Variants in CNTLN observed in about 807,000 individuals in gnomAD.
CNTLN encodes centlein.
In CNTLN, 212 loss-of-function variants were observed where a neutral mutation model predicts 180.0. The observed-to-expected ratio is 1.18, with a 90% confidence interval of 1.05 to 1.32. The LOEUF (loss-of-function observed/expected upper bound fraction) is 1.32. CNTLN is among the 40% of genes most tolerant of loss of function. The probability of loss-of-function intolerance (pLI) is 0.00; values close to 1 mark genes in which losing one functional copy is unlikely to be tolerated. For missense variants in CNTLN, 2,095 were observed against 1,610.9 expected (o/e 1.30, Z -5.14); for synonymous variants, 722 against 563.1 (o/e 1.28, Z -3.99).
intron 14 of CNTLN, among the ~76,000 whole-genome samples, chr9:17,393,950 A>C (rs1450372385): frequency 6.6e-6 from 1 of 152,104 alleles, no homozygotes; most frequent in African/African-American, 2.4e-5. Context: ...TAAATGGGAA[A>C]ATTTTAATTT....
intron 6 of CNTLN, among the ~76,000 whole-genome samples, chr9:17,283,923 C>T (rs1313564067): frequency 3.9e-5 from 6 of 152,136 alleles, no homozygotes; most frequent in Non-Finnish European, 8.8e-5. Context: ...GTTGAACCAG[C>T]CTTGCATCTT....
At position 17,266,032 on chromosome 9, in the gene CNTLN, A is replaced by G. The variant is rs138992496; in HGVS notation, c.850-7701A>G. ...TTTTTGAAGGGCTTTTTGTGTTTCT[A>G]TTTCCTTCAGTTCTGCTCTGATGTT... On this transcript the variant is annotated intron_variant, in intron 5 of 25. Coordinates refer to ENST00000380647, the MANE Select transcript of CNTLN (RefSeq NM_017738.4). 3.1e-3 allele frequency among the ~76,000 whole-genome samples: 472 copies of G among 151,666 alleles called. 5 individuals carry two copies. The highest frequency in any genetic ancestry group is 0.011 in the African/African-American group (449 of 41,348).
intron 7 of CNTLN, chr9:17,302,063 T>G: frequency 1.0e-6 from 1 of 984,558 alleles, no homozygotes; most frequent in South Asian, 4.7e-5. Context: ...TACTATTCAT[T>G]ATAGTGTACT....
chr9:17,168,652 A>G (rs1384993645), intron 2 of CNTLN: 1 of 152,046 alleles, frequency 6.6e-6, no homozygotes, highest in Non-Finnish European at 1.5e-5. Flanking sequence ...TTATTTTGAA[A>G]CTCTTAAGTT....
rs1658076293 is a variant in CNTLN, at chr9:17,335,411, GGGGGCT to G, written c.1644+2683_1644+2688del. ...GCATGCCTCTAATCCCAGCTACTCA[GGGGGCT>G]GAGGCAGGAGAATTGCTTGAACCTA... On this transcript the variant is annotated intron_variant, in intron 10 of 25. Transcript: ENST00000380647. Among the ~76,000 whole-genome samples the G allele has an allele frequency of 7.2e-5, 11 of 152,258 alleles. No individual in the cohort carries two copies. The South Asian group carries it at 2.3e-3, about 32-fold the overall frequency.
intron 15 of CNTLN, among the ~76,000 whole-genome samples, chr9:17,395,990 G>A (rs939846818): frequency 6.6e-6 from 1 of 152,086 alleles, no homozygotes; most frequent in Non-Finnish European, 1.5e-5. Context: ...TACGGTAGAG[G>A]AGCCAGCCAA....
At chr9:17,307,780 G>T (rs1448900592) in intron 7 of CNTLN, among the ~76,000 whole-genome samples, 1 of 151,982 alleles carries the variant, frequency 6.6e-6, no homozygotes. Context: ...TAGGTTTCTA[G>T]ATGAACTAAA....
At chr9:17,416,588 A>G (rs569877606) in intron 18 of CNTLN, among the ~76,000 whole-genome samples, 1 of 152,318 alleles carries the variant, frequency 6.6e-6, no homozygotes, top group African/African-American at 2.4e-5. Flanking sequence ...TTAAACTAAT[A>G]TATTCATCAG....
intron 6 of CNTLN, among the ~76,000 whole-genome samples, chr9:17,287,234 C>A (rs905838632): frequency 4.0e-5 from 6 of 151,730 alleles, no homozygotes. Context: ...TGAATTTTGT[C>A]AAAGGCTTTT....
At chr9:17,407,109 T>A (rs1415603767) in intron 15 of CNTLN, among the ~76,000 whole-genome samples, 1 of 152,194 alleles carries the variant, frequency 6.6e-6, no homozygotes. Flanking sequence ...TCTGGGATAC[T>A]GAAATAACTT....
chr9:17,158,291 C>T (rs918426547), intron 2 of CNTLN, among the ~76,000 whole-genome samples: 6 of 152,058 alleles, frequency 3.9e-5, no homozygotes, highest in African/African-American at 1.4e-4. Context: ...CCGAATTTGG[C>T]TTGCTGGTAT....
At chr9:17,488,575 A>G (rs1588100984) in intron 25 of CNTLN, among the ~76,000 whole-genome samples, 1 of 152,136 alleles carries the variant, frequency 6.6e-6, no homozygotes, top group Non-Finnish European at 1.5e-5. Context: ...GCTTTGTTAA[A>G]TTTTACTAAA....
chr9:17,380,436 T>C (rs1825147034), intron 13 of CNTLN, among the ~76,000 whole-genome samples: 1 of 152,218 alleles, frequency 6.6e-6, no homozygotes. Flanking sequence ...GAGATACAGA[T>C]ACGTGTGTAA....
At chr9:17,306,274 C>T (rs1056841520) in intron 7 of CNTLN, among the ~76,000 whole-genome samples, 1 of 151,752 alleles carries the variant, frequency 6.6e-6, no homozygotes, top group Non-Finnish European at 1.5e-5. Context: ...CTCAGCCTCC[C>T]GAGTAGCTGG....
chr9:17,367,220 A>C (rs1050882244), intron 13 of CNTLN, among the ~76,000 whole-genome samples: 5 of 152,192 alleles, frequency 3.3e-5, no homozygotes, highest in Non-Finnish European at 7.3e-5. Context: ...TGGACTTTGC[A>C]TTGAACTCGG....
intron 15 of CNTLN, among the ~76,000 whole-genome samples, chr9:17,409,003 G>A (rs2133839060): frequency 6.6e-6 from 1 of 152,234 alleles, no homozygotes; most frequent in African/African-American, 2.4e-5. Flanking sequence ...TCCAACCCTG[G>A]AAGTGTTACA....
chr9:17,278,508 A>T lies in CNTLN; in HGVS notation c.983+4642A>T, dbSNP rs555326553. ...GTGTCTTTCCTCAAACAGATTTTGA[A>T]CATTTCTCATCAAATTTATTCCTAG... is the stretch of plus-strand genomic sequence containing the variant. On this transcript the variant is annotated intron_variant, in intron 6 of 25. Coordinates refer to ENST00000380647, the MANE Select transcript of CNTLN (RefSeq NM_017738.4). Among the ~76,000 whole-genome samples the T allele has an allele frequency of 3.3e-5, 5 of 152,240 alleles. No individual in the cohort carries two copies. The East Asian group carries it at 7.7e-4, about 24-fold the overall frequency.
intron 11 of CNTLN, among the ~76,000 whole-genome samples, chr9:17,341,467 G>A (rs778071568): frequency 3.2e-4 from 49 of 152,130 alleles, no homozygotes; most frequent in African/African-American, 1.0e-3. Context: ...ATGAATTGGC[G>A]GTCTCAGTTC....
chr9:17,325,527 A>G (rs1245704348), intron 8 of CNTLN, among the ~76,000 whole-genome samples: 1 of 143,490 alleles, frequency 7.0e-6, no homozygotes, highest in Non-Finnish European at 1.5e-5. Flanking sequence ...TATGTTAGAT[A>G]TGTTATATAC....
Sources: allele counts gnomAD v4.1 joint callset (sites outside exome capture counted in the v4.1 genomes callset), GRCh38; gene constraint gnomAD v4.1.1; transcripts MANE v1.5; gene names NCBI Gene and HGNC (gene_info 2026-07-23, HGNC 2026-07-21).